Variants in LRMDA observed in about 807,000 individuals in gnomAD.
LRMDA encodes the protein leucine rich melanocyte differentiation associated, also known as leucine-rich melanocyte differentiation-associated protein.
In LRMDA, 18 loss-of-function variants were observed where a neutral mutation model predicts 29.8. The observed-to-expected ratio is 0.60, with a 90% confidence interval of 0.42 to 0.90. The LOEUF is 0.90. Ranked by LOEUF, LRMDA falls within the 40% of genes least tolerant of loss-of-function variation. The pLI is 0.00. For synonymous variants in LRMDA, 125 were observed against 109.4 expected (o/e 1.14, Z -0.89); for missense variants, 273 against 273.9 (o/e 1.00, Z 0.02).
rs540195007 is a variant in LRMDA, at chr10:75,884,210, C to T, written c.132-151798C>T. ...ATAGAGTTCAATGAAAGCTCCCCTC[C>T]ACTATTATGCTAGTGTTTGGAAGGG... On this transcript the variant is annotated intron_variant, in intron 2 of 6. Transcript: ENST00000611255. Among the ~76,000 whole-genome samples the T allele has an allele frequency of 6.1e-5, 9 of 148,236 alleles. No individual in the cohort carries two copies. The South Asian group carries it at 1.9e-3, about 32-fold the overall frequency.
chr10:75,819,814 A>G (rs1844125872), intron 2 of LRMDA, among the ~76,000 whole-genome samples: 1 of 152,206 alleles, frequency 6.6e-6, no homozygotes, highest in Non-Finnish European at 1.5e-5. Context: ...ACTGTCAAAT[A>G]TGGTAACTGC....
In LRMDA at chr10:75,738,213, A is replaced by G. The variant is rs149672028; in HGVS notation, c.132-297795A>G. Reference sequence around the variant, plus strand: ...TGAGTTCCTTTCATGTTTGTTTTTGAACTTCTCCCTGTCTCCTCCTTACCA... The same window carrying G: ...TGAGTTCCTTTCATGTTTGTTTTTGGACTTCTCCCTGTCTCCTCCTTACCA... On this transcript the variant is annotated intron_variant, in intron 2 of 6. Transcript: ENST00000611255. Among the ~76,000 whole-genome samples the G allele has an allele frequency of 2.9e-3, 439 of 151,462 alleles. 2 individuals are homozygous for G. The highest frequency in any genetic ancestry group is 0.01 in the African/African-American group (422 of 41,212).
intron 2 of LRMDA, among the ~76,000 whole-genome samples, chr10:75,463,181 C>T (rs962213263): frequency 6.6e-5 from 10 of 152,322 alleles, no homozygotes; most frequent in African/African-American, 2.2e-4. Context: ...AGGGTGACCT[C>T]AGCTGGGCAT....
chr10:75,815,277 G>T lies in LRMDA; in HGVS notation c.132-220731G>T, dbSNP rs910952097. On this transcript the variant is annotated intron_variant, in intron 2 of 6. Transcript: ENST00000611255. ...AAAGATACCAGAGTTATTTAAATAT[G>T]TAACTTACTCACCAGTATGTAGGCT... 3.8e-4 allele frequency among the ~76,000 whole-genome samples: 58 copies of T among 152,204 alleles called. 1 individual carries two copies. The highest frequency in any genetic ancestry group is 3.8e-3 in the Admixed American group (58 of 15,276).
intron 5 of LRMDA, among the ~76,000 whole-genome samples, chr10:76,297,514 T>C (rs1344671413): frequency 1.3e-5 from 2 of 152,186 alleles, no homozygotes; most frequent in South Asian, 4.1e-4. Flanking sequence ...AGCAACCCTT[T>C]GGGGTAGTAG....
chr10:75,514,328 A>C (rs1443668605), intron 2 of LRMDA, among the ~76,000 whole-genome samples: 1 of 145,058 alleles, frequency 6.9e-6, no homozygotes. Context: ...TTTTTTTTTT[A>C]AATAACCATA....
intron 2 of LRMDA, among the ~76,000 whole-genome samples, chr10:75,685,243 A>T (rs2132155825): frequency 6.6e-6 from 1 of 152,322 alleles, no homozygotes; most frequent in African/African-American, 2.4e-5. Flanking sequence ...GGCTTGAAAA[A>T]AAAAAGGTGC....
Position 75,939,867 on chromosome 10 carries a change from C to A in LRMDA, c.132-96141C>A, listed in dbSNP as rs73275010. ...GGCTTTGGCTGGGAGAAGAGCCTTC[C>A]CTGGGGGACTTCAAAGCATGTATTT... On this transcript the variant is annotated intron_variant, in intron 2 of 6. Coordinates refer to ENST00000611255, the MANE Select transcript of LRMDA (RefSeq NM_001305581.2). Among the ~76,000 whole-genome samples the A allele has an allele frequency of 7.8e-3, 1,194 of 152,210 alleles. 17 individuals carry two copies. Among genetic ancestry groups the A allele is most frequent in the African/African-American group, 0.026 (1,068 of 41,518 alleles).
chr10:76,488,427 T>C (rs1842803258), intron 6 of LRMDA, among the ~76,000 whole-genome samples: 1 of 151,504 alleles, frequency 6.6e-6, no homozygotes, highest in Non-Finnish European at 1.5e-5. Flanking sequence ...AAATACAATA[T>C]GTACTGTTTT....
intron 2 of LRMDA, among the ~76,000 whole-genome samples, chr10:75,837,198 G>A (rs1390261004): frequency 1.3e-5 from 2 of 152,102 alleles, no homozygotes. Flanking sequence ...TATTCTAATT[G>A]TGGAGAGAAT....
At chr10:75,802,335 G>GCGCA (rs1375156075) in intron 2 of LRMDA, among the ~76,000 whole-genome samples, 28 of 147,144 alleles carry the variant, frequency 1.9e-4, no homozygotes, top group African/African-American at 3.8e-4. Flanking sequence ...ACACACACGC[G>GCGCA]CACACACACA....
chr10:76,275,660 T>C (rs1199388021), intron 5 of LRMDA, among the ~76,000 whole-genome samples: 1 of 152,166 alleles, frequency 6.6e-6, no homozygotes, highest in Non-Finnish European at 1.5e-5. Context: ...TTTGTTTCTT[T>C]AGGTCTTCTT....
chr10:75,946,104 C>T (rs996336714), intron 2 of LRMDA, among the ~76,000 whole-genome samples: 1 of 152,172 alleles, frequency 6.6e-6, no homozygotes, highest in African/African-American at 2.4e-5. Flanking sequence ...AGCAGTAAGA[C>T]CAGCTGGAGA....
intron 6 of LRMDA, among the ~76,000 whole-genome samples, chr10:76,526,838 G>A (rs1227114277): frequency 9.7e-6 from 1 of 103,090 alleles, no homozygotes; most frequent in African/African-American, 3.7e-5. Context: ...TTGTGGGGTG[G>A]GGGGAGGGGG....
At chr10:75,767,238 G>T (rs4372386) in intron 2 of LRMDA, among the ~76,000 whole-genome samples, 4 of 152,270 alleles carry the variant, frequency 2.6e-5, no homozygotes, top group African/African-American at 4.8e-5. Context: ...CACAATGCTA[G>T]AACTAATTTA....
At chr10:76,254,106 A>G (rs778466262) in intron 5 of LRMDA, among the ~76,000 whole-genome samples, 5 of 152,088 alleles carry the variant, frequency 3.3e-5, no homozygotes, top group Non-Finnish European at 7.4e-5. Context: ...ATTCACTAGA[A>G]TATGCCCCAT....
At chr10:75,925,883 C>A (rs1846112753) in intron 2 of LRMDA, among the ~76,000 whole-genome samples, 1 of 152,192 alleles carries the variant, frequency 6.6e-6, no homozygotes, top group South Asian at 2.1e-4. Context: ...GAACTACGAA[C>A]TACTGACCTC....
At chr10:76,245,206 G>A (rs1216673121) in intron 5 of LRMDA, among the ~76,000 whole-genome samples, 1 of 152,114 alleles carries the variant, frequency 6.6e-6, no homozygotes, top group African/African-American at 2.4e-5. Flanking sequence ...ATCATCCAGG[G>A]CTTCATCCGT....
chr10:76,498,352 T>C lies in LRMDA; in HGVS notation c.602-58857T>C, dbSNP rs116260953. 4.1e-3 allele frequency among the ~76,000 whole-genome samples: 313 copies of C among 75,434 alleles called. 91 individuals are homozygous for C. The highest frequency in any genetic ancestry group is 9.8e-3 in the African/African-American group (306 of 31,068). The allele number at this position is 75,434 out of a possible 152,430, so 49.5% of individuals were successfully genotyped here. On this transcript the variant is annotated intron_variant, in intron 6 of 6. Coordinates refer to ENST00000611255, the MANE Select transcript of LRMDA (RefSeq NM_001305581.2). ...GCAGCCCTGGTTCTCTGAGGCTGTG[T>C]TGAGATCTGAGAGAAGGTAATGTTC...
Sources: allele counts gnomAD v4.1 joint callset (sites outside exome capture counted in the v4.1 genomes callset), GRCh38; gene constraint gnomAD v4.1.1; transcripts MANE v1.5; gene names NCBI Gene and HGNC (gene_info 2026-07-23, HGNC 2026-07-21).